Variants in EMCN observed in about 807,000 individuals in gnomAD.
EMCN encodes MUC-14.
A neutral mutation model predicts 38.4 loss-of-function variants in EMCN; 37 were observed. That is an observed-to-expected ratio of 0.96 (90% CI 0.74 to 1.27). The LOEUF is 1.27. Ranked by LOEUF, EMCN falls within the 50% of genes most tolerant of loss-of-function variation. EMCN has a pLI of 0.00. For synonymous variants in EMCN, 95 were observed against 100.8 expected (o/e 0.94, Z 0.35); for missense variants, 318 against 302.8 (o/e 1.05, Z -0.37).
At chr4:100,401,480 G>A (rs1217201234) in intron 11 of EMCN, among the ~76,000 whole-genome samples, 1 of 151,974 alleles carries the variant, frequency 6.6e-6, no homozygotes, top group African/African-American at 2.4e-5. Flanking sequence ...GTATCTCCAG[G>A]CCTTTTGAAA....
chr4:100,476,787 C>CA (rs1454319327), intron 2 of EMCN, among the ~76,000 whole-genome samples: 1 of 152,098 alleles, frequency 6.6e-6, no homozygotes, highest in Non-Finnish European at 1.5e-5. Flanking sequence ...TTTGCCACTT[C>CA]AAAATTCTAT....
chr4:100,421,245 T>C, intron 8 of EMCN, 37 bp downstream of exon 8: 1 of 1,548,606 alleles, frequency 6.5e-7, no homozygotes, highest in South Asian at 1.1e-5. Context: ...GCATTCATTC[T>C]TCTTTCAGGA....
At chr4:100,413,367 GTT>G (rs891410504) in intron 10 of EMCN, among the ~76,000 whole-genome samples, 1 of 149,458 alleles carries the variant, frequency 6.7e-6, no homozygotes, top group East Asian at 1.9e-4. Flanking sequence ...AACCATTTAA[GTT>G]TTTTTTTTCT....
At chr4:100,449,924 T>G (rs1358842333) in intron 4 of EMCN, among the ~76,000 whole-genome samples, 1 of 151,922 alleles carries the variant, frequency 6.6e-6, no homozygotes, top group African/African-American at 2.4e-5. Context: ...TTCCCTGAAA[T>G]CAAGAAAATA....
At chr4:100,442,076 A>T (rs1481459886) in intron 5 of EMCN, among the ~76,000 whole-genome samples, 1 of 152,226 alleles carries the variant, frequency 6.6e-6, no homozygotes, top group Non-Finnish European at 1.5e-5. Flanking sequence ...CTTGTAAGGC[A>T]GGTCTAGTGG....
chr4:100,414,005 A>G (rs1008290650), intron 10 of EMCN, among the ~76,000 whole-genome samples: 5 of 152,196 alleles, frequency 3.3e-5, no homozygotes, highest in African/African-American at 1.2e-4. Flanking sequence ...TACATTTGCA[A>G]CGAAGAAACA....
intron 4 of EMCN, among the ~76,000 whole-genome samples, chr4:100,459,664 G>T (rs1172082346): frequency 6.6e-6 from 1 of 152,100 alleles, no homozygotes; most frequent in African/African-American, 2.4e-5. Context: ...ACATGTAAGG[G>T]AAAACTTGCA....
chr4:100,455,820 A>G (rs1303793521), intron 4 of EMCN, among the ~76,000 whole-genome samples: 2 of 151,846 alleles, frequency 1.3e-5, no homozygotes, highest in African/African-American at 4.8e-5. Context: ...CTTGAGACAG[A>G]GTTTCACTCT....
chr4:100,444,564 T>G (rs1477120420), intron 5 of EMCN, among the ~76,000 whole-genome samples: 1 of 152,118 alleles, frequency 6.6e-6, no homozygotes, highest in Non-Finnish European at 1.5e-5. Context: ...AGTTCAGTCC[T>G]GAGAGGAGAG....
At chr4:100,472,935 G>T (rs1728515669) in intron 3 of EMCN, among the ~76,000 whole-genome samples, 1 of 148,134 alleles carries the variant, frequency 6.8e-6, no homozygotes, top group South Asian at 2.1e-4. Context: ...TAGATAGATA[G>T]ATATCCCTAT....
At chr4:100,439,896 C>T (rs535728601) in intron 5 of EMCN, among the ~76,000 whole-genome samples, 2 of 151,884 alleles carry the variant, frequency 1.3e-5, no homozygotes, top group Non-Finnish European at 2.9e-5. Context: ...ATTGGTTGTT[C>T]AGGAGCACGT....
chr4:100,502,239 C>G (rs1381082996), intron 1 of EMCN, among the ~76,000 whole-genome samples: 1 of 152,146 alleles, frequency 6.6e-6, no homozygotes, highest in African/African-American at 2.4e-5. Context: ...GGGATCTTTA[C>G]CTGGCTGGGG....
chr4:100,450,793 G>A (rs1392107218), intron 4 of EMCN, among the ~76,000 whole-genome samples: 2 of 151,878 alleles, frequency 1.3e-5, no homozygotes, highest in Non-Finnish European at 2.9e-5. Flanking sequence ...GACAAATGGT[G>A]CAATTCACAA....
At chr4:100,403,016 A>G (rs1726298300) in intron 11 of EMCN, among the ~76,000 whole-genome samples, 1 of 152,096 alleles carries the variant, frequency 6.6e-6, no homozygotes, top group African/African-American at 2.4e-5. Flanking sequence ...CATCTTCTCA[A>G]ACTTTGCACC....
At chr4:100,446,190 G>T in intron 5 of EMCN, 11 of 985,274 alleles carry the variant, frequency 1.1e-5, no homozygotes, top group Non-Finnish European at 1.3e-5. Flanking sequence ...TCTCTGACTG[G>T]ATGCACTGTT....
chr4:100,478,693 A>G (rs1008647116), intron 2 of EMCN, among the ~76,000 whole-genome samples: 1 of 152,226 alleles, frequency 6.6e-6, no homozygotes, highest in African/African-American at 2.4e-5. Flanking sequence ...GTCTATTTTT[A>G]TAATAAAAAT....
At position 100,412,172 on chromosome 4, in the gene EMCN, A is replaced by G. The variant is rs146269375; in HGVS notation, c.752-1817T>C. 9.4e-3 allele frequency among the ~76,000 whole-genome samples: 1,438 copies of G among 152,304 alleles called. 23 individuals carry two copies. The highest frequency in any genetic ancestry group is 0.032 in the African/African-American group (1,339 of 41,572). ...GCTGGGTTCAGAGAGAGAGACAGTC[A>G]GGGGACAGGGAAGGGAATGAATGAA... On this transcript the variant is annotated intron_variant, in intron 10 of 11. Coordinates refer to ENST00000296420, the MANE Select transcript of EMCN (RefSeq NM_016242.4).
chr4:100,516,163 C>T (rs1291208057), intron 1 of EMCN, among the ~76,000 whole-genome samples: 4 of 152,080 alleles, frequency 2.6e-5, no homozygotes, highest in Admixed American at 2.6e-4. Flanking sequence ...AGGTTGAGCT[C>T]ATTACCAGTG....
At chr4:100,499,450 A>G (rs1418886929) in intron 1 of EMCN, among the ~76,000 whole-genome samples, 3 of 152,256 alleles carry the variant, frequency 2.0e-5, no homozygotes. Flanking sequence ...TGCTTTAACA[A>G]TTGATTAGTT....
Sources: gnomAD v4.1 joint callset for allele counts (sites outside exome capture counted in the v4.1 genomes callset) on GRCh38, gnomAD v4.1.1 for gene constraint, MANE v1.5 for transcripts, NCBI Gene and HGNC (gene_info 2026-07-23, HGNC 2026-07-21) for gene names.